NCOA5: variants seen among roughly 807,000 people sequenced by gnomAD.
The protein encoded by NCOA5 is nuclear receptor coactivator 5.
NCOA5 carries 12 observed loss-of-function variants against 59.0 expected under a neutral mutation model. The observed-to-expected ratio is 0.20, with a 90% CI of 0.13 to 0.33. The LOEUF (loss-of-function observed/expected upper bound fraction) is 0.33. Ranked by LOEUF, NCOA5 falls within the 10% of genes least tolerant of loss-of-function variation. The pLI is 1.00. For synonymous variants in NCOA5, 270 were observed against 275.5 expected, an observed-to-expected ratio of 0.98 and a Z score of 0.20; for missense variants, 655 against 766.6, an observed-to-expected ratio of 0.85 and a Z score of 1.72.
rs1351080562 is a variant in NCOA5, at chr20:46,061,450, G to C, written c.*850C>G. The C allele has an allele frequency of 2.6e-5, 4 of 152,598 alleles. No individual in the cohort carries two copies. Among genetic ancestry groups the C allele is most frequent in the Non-Finnish European group, 5.9e-5 (4 of 68,048 alleles). 9.5% of individuals were successfully genotyped at this position (152,598 alleles called of 1,614,324 possible). A position where few individuals can be genotyped will look rare whatever the true frequency, so the allele number is the denominator to read the frequency against. Reference sequence around the variant, plus strand: ...GACAAAAACAAGAGCCTGGGGTTTTGAGCCAAAAGCCCAAAACAAATCACT... The same window carrying C: ...GACAAAAACAAGAGCCTGGGGTTTTCAGCCAAAAGCCCAAAACAAATCACT... On this transcript the variant is annotated 3_prime_UTR_variant, in exon 8 of 8. Coordinates refer to ENST00000290231, the MANE Select transcript of NCOA5 (RefSeq NM_020967.3).
At chr20:46,078,049 G>A (rs1000211537) in intron 2 of NCOA5, among the ~76,000 whole-genome samples, 2 of 152,190 alleles carry the variant, frequency 1.3e-5, no homozygotes, top group African/African-American at 4.8e-5. Context: ...GCCCACTTCC[G>A]CAGTGAAACC....
rs1485770876 is a variant in NCOA5 at position 46,062,695 on chromosome 20, T to A, written c.1345A>T (p.Ser449Cys). ...GCAGCAACCGAGGGGGATGCAGAGC[T>A]GCTATTGGCCGTCACTGTGCCACTA... ...FNSGTVTANS[S>C]SASPSVAAGN... Residue 449 changes from serine (S) to cysteine (C), a missense_variant, in exon 8 of 8, where the codon AGC becomes TGC. Ser to Cys is a moderately radical substitution (Grantham distance 112). Coordinates refer to ENST00000290231, the MANE Select transcript of NCOA5 (RefSeq NM_020967.3). 4 of 1,614,060 alleles carry A rather than the reference T, an allele frequency of 2.5e-6. No individual in the cohort carries two copies. The highest frequency in any genetic ancestry group is 3.4e-6 in the Non-Finnish European group (4 of 1,179,950).
Position 46,065,242 on chromosome 20 carries a change from T to C in NCOA5, c.630-14A>G. 6.2e-7 allele frequency: 1 copy of C among 1,614,024 alleles called. No individual in the cohort carries two copies. Among genetic ancestry groups the C allele is most frequent in the Non-Finnish European group, 8.5e-7 (1 of 1,179,920 alleles). On this transcript the variant is annotated splice_polypyrimidine_tract_variant and intron_variant, in intron 5 of 7. Transcript: ENST00000290231. ...TCAGCATAGTCTCTGTAAAAATAAA[T>C]AAGATCCAGGTGAGCGACCAACTCC...
intron 2 of NCOA5, among the ~76,000 whole-genome samples, chr20:46,071,428 G>A (rs552739124): frequency 9.9e-5 from 15 of 152,040 alleles, no homozygotes; most frequent in African/African-American, 3.4e-4. Context: ...CTTGTGTCCC[G>A]TTCACTTTTT....
Position 46,062,753 on chromosome 20 carries a change from T to C in NCOA5, c.1287A>G (p.Gln429=). 6.2e-7 allele frequency: 1 copy of C among 1,610,552 alleles called. No homozygotes were observed. The highest frequency in any genetic ancestry group is 8.5e-7 in the Non-Finnish European group (1 of 1,177,740). The change falls in exon 8 of 8, where the codon CAA becomes CAG. Residue 429 remains glutamine (Q), a synonymous_variant. Transcript: ENST00000290231. ...GGCTGAGGATTTTGGCCTGAAGCTC[T>C]TGCTGGGAGGTGGGGGGTGCAGATG... The part of the protein sequence containing the change: ...PTPSAPPTSQ[Q]ELQAKILSLF...
At chr20:46,082,215 T>A (rs972478484) in intron 1 of NCOA5, among the ~76,000 whole-genome samples, 2 of 152,072 alleles carry the variant, frequency 1.3e-5, no homozygotes, top group Non-Finnish European at 2.9e-5. Context: ...CACAAAAGAA[T>A]GGGGTGAAGA....
At position 46,086,193 on chromosome 20, in the gene NCOA5, G is replaced by A. The variant is rs576994771; in HGVS notation, c.-30+3624C>T. On this transcript the variant is annotated intron_variant, in intron 1 of 7. Coordinates refer to ENST00000290231, the MANE Select transcript of NCOA5 (RefSeq NM_020967.3). ...GTACCCAGCCTTAAGATACTTTACA[G>A]AGCTAAAGGTATAAGACAAGACACT... 1.6e-4 allele frequency among the ~76,000 whole-genome samples: 24 copies of A among 152,262 alleles called. No individual in the cohort carries two copies. The South Asian group carries it at 5.0e-3, about 32-fold the overall frequency.
At chr20:46,078,674 ATCTT>A (rs1407911723) in intron 2 of NCOA5, among the ~76,000 whole-genome samples, 4 of 151,410 alleles carry the variant, frequency 2.6e-5, no homozygotes, top group Admixed American at 1.3e-4. Flanking sequence ...TGAATACAGT[ATCTT>A]TATTTTTGGT....
At position 46,063,673 on chromosome 20, in the gene NCOA5, G is replaced by A. The variant is rs2084792203; in HGVS notation, c.837C>T (p.Arg279=). 1.2e-6 allele frequency: 2 copies of A among 1,613,472 alleles called. No individual in the cohort carries two copies. The highest frequency in any genetic ancestry group is 2.7e-5 in the African/African-American group (2 of 75,030). The part of the protein sequence containing the change: ...NIMFGTPQEH[R]NMPQADAMVL... The stretch of plus-strand genomic sequence containing the variant: ...CCATGGCATCTGCTTGGGGCATGTT[G>A]CGATGCTCTGTAGGAGGAAATGACA... The change falls in exon 7 of 8, where the codon CGC becomes CGT. Residue 279 remains arginine (R), a synonymous_variant. Transcript: ENST00000290231.
At chr20:46,083,403 C>T (rs1247875469) in intron 1 of NCOA5, among the ~76,000 whole-genome samples, 1 of 152,228 alleles carries the variant, frequency 6.6e-6, no homozygotes, top group Non-Finnish European at 1.5e-5. Flanking sequence ...CTTTCCTCAG[C>T]TCCCTTCTCT....
chr20:46,062,759 G>C lies in NCOA5; in HGVS notation c.1281C>G (p.Ser427=), dbSNP rs754047308. The C allele has an allele frequency of 6.2e-7, 1 of 1,608,128 alleles. No individual in the cohort carries two copies. The highest frequency in any genetic ancestry group is 1.1e-5 in the South Asian group (1 of 89,976). ...ATPTPSAPPT[S]QQELQAKILS... The stretch of plus-strand genomic sequence containing the variant: ...GGATTTTGGCCTGAAGCTCTTGCTG[G>C]GAGGTGGGGGGTGCAGATGGAGTGG... Residue 427 remains serine (S), a synonymous_variant, in exon 8 of 8, where the codon TCC becomes TCG. Transcript: ENST00000290231.
chr20:46,072,455 C>G (rs1425978642), intron 2 of NCOA5, among the ~76,000 whole-genome samples: 1 of 152,214 alleles, frequency 6.6e-6, no homozygotes, highest in East Asian at 1.9e-4. Context: ...CTGCCTCAGC[C>G]TACCAAGTAG....
chr20:46,061,802 G>A lies in NCOA5; in HGVS notation c.*498C>T, dbSNP rs1043940793. 8.4e-5 allele frequency: 13 copies of A among 154,114 alleles called. No individual in the cohort carries two copies. The highest frequency in any genetic ancestry group is 1.4e-4 in the Non-Finnish European group (10 of 69,316). The allele number at this position is 154,114 out of a possible 1,614,324, so 9.5% of individuals were successfully genotyped here. A position where few individuals can be genotyped will look rare whatever the true frequency, so the allele number is the denominator to read the frequency against. On this transcript the variant is annotated 3_prime_UTR_variant, in exon 8 of 8. Coordinates refer to ENST00000290231, the MANE Select transcript of NCOA5 (RefSeq NM_020967.3). ...CAGACCCCAAACATATGGGGTGAGG[G>A]TATGATGACACTGTGCCTGCCAAGG... is the stretch of plus-strand genomic sequence containing the variant.
At chr20:46,062,926 AC>A (rs1568875307) in intron 7 of NCOA5, 37 bp from the exon 8 acceptor site, 7 of 1,491,638 alleles carry the variant, frequency 4.7e-6, no homozygotes, top group East Asian at 2.3e-5. Flanking sequence ...GGTTCAAAGT[AC>A]CCCCCAAGGG....
At chr20:46,072,154 T>C (rs773699107) in intron 2 of NCOA5, among the ~76,000 whole-genome samples, 1 of 152,196 alleles carries the variant, frequency 6.6e-6, no homozygotes, top group Admixed American at 6.6e-5. Flanking sequence ...TTTACCTTCT[T>C]TGGCAAAACT....
At chr20:46,080,590 T>C (rs2145549135) in intron 1 of NCOA5, among the ~76,000 whole-genome samples, 1 of 152,208 alleles carries the variant, frequency 6.6e-6, no homozygotes, top group South Asian at 2.1e-4. Flanking sequence ...AACTTAGAGG[T>C]CTGGTAGAGA....
chr20:46,073,015 T>C (rs146727201), intron 2 of NCOA5, among the ~76,000 whole-genome samples: 1 of 152,354 alleles, frequency 6.6e-6, no homozygotes, highest in African/African-American at 2.4e-5. Context: ...ACCACACTGT[T>C]CTGTAATTGT....
chr20:46,072,699 T>C (rs2084895787), intron 2 of NCOA5, among the ~76,000 whole-genome samples: 1 of 152,234 alleles, frequency 6.6e-6, no homozygotes. Flanking sequence ...TATACTCCTC[T>C]TCCAGGTCTC....
intron 2 of NCOA5, among the ~76,000 whole-genome samples, chr20:46,072,121 T>C (rs1387028279): frequency 6.6e-6 from 1 of 152,186 alleles, no homozygotes; most frequent in Admixed American, 6.5e-5. Context: ...TTCTCCATTC[T>C]TTCTCAGTTC....
Sources: allele counts gnomAD v4.1 joint callset (sites outside exome capture counted in the v4.1 genomes callset), GRCh38; gene constraint gnomAD v4.1.1; transcripts MANE v1.5; gene names NCBI Gene and HGNC (gene_info 2026-07-23, HGNC 2026-07-21).